VKORC1L1: variants seen among roughly 807,000 people sequenced by gnomAD.
VKORC1L1 encodes the protein vitamin K epoxide reductase complex subunit 1L1.
VKORC1L1 carries 2 observed loss-of-function variants against 18.9 expected under a neutral mutation model. The ratio of observed to expected loss-of-function variants is 0.11; its 90% CI spans 0.04 to 0.33. VKORC1L1 has a LOEUF of 0.33. Among genes scored for constraint, VKORC1L1 ranks in the 10% least tolerant of loss-of-function variants. VKORC1L1 has a pLI of 1.00. For synonymous variants in VKORC1L1, 96 were observed against 100.0 expected, an observed-to-expected ratio of 0.96 and a Z score of 0.24; for missense variants, 123 against 224.1, an observed-to-expected ratio of 0.55 and a Z score of 2.88.
chr7:65,926,259 G>T (rs942461751), intron 1 of VKORC1L1, among the ~76,000 whole-genome samples: 18 of 151,958 alleles, frequency 1.2e-4, no homozygotes, highest in African/African-American at 4.1e-4. Context: ...GGGTTCAGGC[G>T]ATTCTCCTGC....
In VKORC1L1 at chr7:65,913,676, G is replaced by A. The variant is rs1431462763; in HGVS notation, c.195-34995G>A. ...GGGAGGTTGGAGGTTGTGGTGAGCCGAGATCGGGCCACTGCACTCCAGCCT... is the reference window on the plus strand; with the variant it reads ...GGGAGGTTGGAGGTTGTGGTGAGCCAAGATCGGGCCACTGCACTCCAGCCT... On this transcript the variant is annotated intron_variant, in intron 1 of 2. Coordinates refer to ENST00000360768, the MANE Select transcript of VKORC1L1 (RefSeq NM_173517.6). 4.4e-5 allele frequency among the ~76,000 whole-genome samples: 6 copies of A among 137,250 alleles called. No individual in the cohort carries two copies. In the East Asian group the frequency reaches 1.1e-3, roughly 25 times the overall value. 90.0% of individuals were successfully genotyped at this position (137,250 alleles called of 152,430 possible).
intron 1 of VKORC1L1, among the ~76,000 whole-genome samples, chr7:65,918,354 T>C (rs924324857): frequency 3.3e-5 from 5 of 152,228 alleles, no homozygotes. Context: ...GTAGATAATA[T>C]TTTCAGCAAC....
intron 1 of VKORC1L1, among the ~76,000 whole-genome samples, chr7:65,874,573 C>T (rs1279592064): frequency 8.5e-5 from 13 of 152,054 alleles, no homozygotes; most frequent in Non-Finnish European, 1.6e-4. Flanking sequence ...TTTGGGAGGC[C>T]GAGGCGGGTG....
At chr7:65,926,229 C>T (rs1048054985) in intron 1 of VKORC1L1, among the ~76,000 whole-genome samples, 1 of 151,938 alleles carries the variant, frequency 6.6e-6, no homozygotes, top group Non-Finnish European at 1.5e-5. Flanking sequence ...CATCTTGGCT[C>T]ACTGCAACCT....
At chr7:65,926,042 C>A (rs1270292167) in intron 1 of VKORC1L1, among the ~76,000 whole-genome samples, 1 of 151,838 alleles carries the variant, frequency 6.6e-6, no homozygotes, top group Non-Finnish European at 1.5e-5. Flanking sequence ...TAATTATTCA[C>A]CTATGGTAAC....
At chr7:65,952,674 T>C (rs1284968728) in intron 2 of VKORC1L1, among the ~76,000 whole-genome samples, 1 of 151,994 alleles carries the variant, frequency 6.6e-6, no homozygotes, top group Admixed American at 6.6e-5. Flanking sequence ...CTGCCTTCTC[T>C]GTCCTTGAAA....
At chr7:65,879,099 TTCC>T (rs1393958496) in intron 1 of VKORC1L1, among the ~76,000 whole-genome samples, 2 of 152,226 alleles carry the variant, frequency 1.3e-5, no homozygotes, top group East Asian at 3.9e-4. Flanking sequence ...GACCATATGA[TTCC>T]TCCCTTTTTT....
At chr7:65,928,102 AT>A (rs1345874712) in intron 1 of VKORC1L1, among the ~76,000 whole-genome samples, 3 of 151,026 alleles carry the variant, frequency 2.0e-5, no homozygotes, top group Admixed American at 6.6e-5. Flanking sequence ...GAACTATTGA[AT>A]TTTTTTTTAA....
At chr7:65,901,079 CAA>C (rs1216510951) in intron 1 of VKORC1L1, among the ~76,000 whole-genome samples, 3 of 151,950 alleles carry the variant, frequency 2.0e-5, no homozygotes, top group Non-Finnish European at 4.4e-5. Context: ...AAATGATAAT[CAA>C]AGAGATAGGA....
upstream of VKORC1L1, among the ~76,000 whole-genome samples, chr7:65,869,981 T>G (rs570544373): frequency 2.1e-4 from 23 of 110,372 alleles, no homozygotes; most frequent in Middle Eastern, 5.5e-3. Flanking sequence ...AAAGCTTTTG[T>G]TTTTTTTTTT....
intron 1 of VKORC1L1, among the ~76,000 whole-genome samples, chr7:65,943,797 AAAAT>A (rs950281322): frequency 1.1e-4 from 16 of 152,286 alleles, no homozygotes; most frequent in African/African-American, 3.4e-4. Flanking sequence ...CTCTGTCTGA[AAAAT>A]AAATAAATAA....
chr7:65,887,616 G>T (rs1404684673), intron 1 of VKORC1L1, among the ~76,000 whole-genome samples: 1 of 152,032 alleles, frequency 6.6e-6, no homozygotes, highest in Non-Finnish European at 1.5e-5. Context: ...AACAGCAAGT[G>T]TACAAGCAGT....
At chr7:65,884,755 G>T (rs1444894556) in intron 1 of VKORC1L1, among the ~76,000 whole-genome samples, 2 of 152,108 alleles carry the variant, frequency 1.3e-5, no homozygotes, top group African/African-American at 2.4e-5. Flanking sequence ...TTAGATATTT[G>T]CCAATATGAT....
intron 1 of VKORC1L1, among the ~76,000 whole-genome samples, chr7:65,942,929 A>G (rs1790060943): frequency 6.6e-6 from 1 of 152,230 alleles, no homozygotes; most frequent in African/African-American, 2.4e-5. Flanking sequence ...TCTTGTTAGA[A>G]CAGATCATTC....
intron 1 of VKORC1L1, among the ~76,000 whole-genome samples, chr7:65,934,921 G>A (rs924482247): frequency 1.3e-5 from 2 of 152,106 alleles, no homozygotes; most frequent in Admixed American, 6.5e-5. Context: ...GGGCGTGGTG[G>A]TGGGTGCCTG....
intron 1 of VKORC1L1, among the ~76,000 whole-genome samples, chr7:65,915,470 C>T (rs1380111119): frequency 6.9e-6 from 1 of 145,232 alleles, no homozygotes; most frequent in Non-Finnish European, 1.5e-5. Context: ...GAGTGCAGTG[C>T]TGCGATCTCT....
intron 1 of VKORC1L1, among the ~76,000 whole-genome samples, chr7:65,937,593 G>A (rs1174344683): frequency 2.6e-5 from 4 of 151,882 alleles, no homozygotes; most frequent in East Asian, 1.9e-4. Context: ...TGTTTGTTTC[G>A]GTAGAGTCAG....
intron 1 of VKORC1L1, among the ~76,000 whole-genome samples, chr7:65,877,349 TC>T (rs1382570751): frequency 2.1e-4 from 32 of 151,478 alleles, no homozygotes; most frequent in African/African-American, 6.3e-4. Flanking sequence ...TGCAGAATAT[TC>T]TTTTTTTTTT....
At position 65,931,931 on chromosome 7, in the gene VKORC1L1, A is replaced by C. The variant is rs556775328; in HGVS notation, c.195-16740A>C. ...GCTGGAATTGCAGGCATGAGCCACC[A>C]TGCCCAGCCCATTTATTGATTTTCT... is the stretch of plus-strand genomic sequence containing the variant. On this transcript the variant is annotated intron_variant, in intron 1 of 2. Coordinates refer to ENST00000360768, the MANE Select transcript of VKORC1L1 (RefSeq NM_173517.6). 7.7e-4 allele frequency among the ~76,000 whole-genome samples: 117 copies of C among 152,188 alleles called. 1 individual carries two copies. The highest frequency in any genetic ancestry group is 2.7e-3 in the African/African-American group (114 of 41,524).
Sources: gnomAD v4.1 joint callset for allele counts (sites outside exome capture counted in the v4.1 genomes callset) on GRCh38, gnomAD v4.1.1 for gene constraint, MANE v1.5 for transcripts, NCBI Gene and HGNC (gene_info 2026-07-23, HGNC 2026-07-21) for gene names.